The following UBE2G1 variants were observed in gnomAD, a reference collection of about 807,000 sequenced individuals.
UBE2G1 encodes ubiquitin conjugating enzyme E2 G1.
UBE2G1 carries 5 observed loss-of-function variants against 22.7 expected under a neutral mutation model. The observed-to-expected ratio is 0.22, with a 90% CI of 0.12 to 0.46. The LOEUF (loss-of-function observed/expected upper bound fraction) is 0.46, where lower values mean the gene tolerates loss of function less well. UBE2G1 is among the 20% of genes least tolerant of loss of function. The probability of loss-of-function intolerance (pLI) is 0.99; values close to 1 mark genes in which losing one functional copy is unlikely to be tolerated. For synonymous variants in UBE2G1, 74 were observed against 67.5 expected (o/e 1.10, Z -0.47); for missense variants, 88 against 203.9 (o/e 0.43, Z 3.46).
intron 1 of UBE2G1, among the ~76,000 whole-genome samples, chr17:4,362,352 CT>C (rs1969979248): frequency 1.3e-5 from 2 of 152,264 alleles, no homozygotes; most frequent in African/African-American, 4.8e-5. Flanking sequence ...GATTTTGTCC[CT>C]CAGGAGACAT....
At chr17:4,329,553 C>CAA (rs879347804) in intron 1 of UBE2G1, among the ~76,000 whole-genome samples, 10 of 132,930 alleles carry the variant, frequency 7.5e-5, no homozygotes, top group Admixed American at 3.8e-4. Flanking sequence ...GACTCTGTCT[C>CAA]AAAAAAAAAA....
At chr17:4,346,685 C>T (rs1668860103) in intron 1 of UBE2G1, among the ~76,000 whole-genome samples, 1 of 151,302 alleles carries the variant, frequency 6.6e-6, no homozygotes, top group African/African-American at 2.4e-5. Flanking sequence ...CCACCCGCCT[C>T]GGCCTCCCAA....
At chr17:4,302,198 C>A in intron 2 of UBE2G1, 1 of 509,508 alleles carries the variant, frequency 2.0e-6, no homozygotes. Context: ...GATTTTCTTT[C>A]CAGGCAGCAA....
intron 3 of UBE2G1, among the ~76,000 whole-genome samples, chr17:4,295,006 G>A (rs1051751570): frequency 1.9e-4 from 29 of 152,108 alleles, no homozygotes; most frequent in Admixed American, 1.7e-3. Context: ...GAGAGACGGA[G>A]GGAGGGAGGA....
intron 1 of UBE2G1, among the ~76,000 whole-genome samples, chr17:4,352,410 G>A (rs1456335056): frequency 6.6e-6 from 1 of 152,096 alleles, no homozygotes; most frequent in Non-Finnish European, 1.5e-5. Flanking sequence ...TTTGTTAAAT[G>A]ACAAGTTTGA....
At chr17:4,287,318 G>A (rs573062060) in intron 4 of UBE2G1, among the ~76,000 whole-genome samples, 1 of 151,310 alleles carries the variant, frequency 6.6e-6, no homozygotes, top group African/African-American at 2.4e-5. Context: ...TGGCCAGGCT[G>A]GTCTCGAACT....
chr17:4,359,778 G>A (rs775651101), intron 1 of UBE2G1, among the ~76,000 whole-genome samples: 31 of 151,798 alleles, frequency 2.0e-4, no homozygotes, highest in Non-Finnish European at 4.1e-4. Context: ...CTTGAACCCG[G>A]GAGGCAGAGG....
chr17:4,366,198 A>T (rs1970033072), intron 1 of UBE2G1, 73 bp downstream of exon 1: 1 of 1,439,986 alleles, frequency 6.9e-7, no homozygotes, highest in Non-Finnish European at 9.1e-7. Flanking sequence ...CTGGCCCGGG[A>T]GGAGAAGAGG....
chr17:4,278,272 T>C (rs532686194), intron 5 of UBE2G1, among the ~76,000 whole-genome samples: 1 of 152,268 alleles, frequency 6.6e-6, no homozygotes, highest in South Asian at 2.1e-4. Context: ...ATTTAAAAAT[T>C]AGGTGCACAT....
At chr17:4,284,383 G>C (rs1968933480) in intron 4 of UBE2G1, among the ~76,000 whole-genome samples, 1 of 151,958 alleles carries the variant, frequency 6.6e-6, no homozygotes, top group Non-Finnish European at 1.5e-5. Context: ...TGGATCACCT[G>C]AGGTCAAGAG....
At chr17:4,360,786 C>T (rs954528693) in intron 1 of UBE2G1, among the ~76,000 whole-genome samples, 5 of 152,150 alleles carry the variant, frequency 3.3e-5, no homozygotes, top group Non-Finnish European at 7.3e-5. Context: ...TGGCACATGC[C>T]TGTAATCCCA....
intron 5 of UBE2G1, among the ~76,000 whole-genome samples, chr17:4,274,260 C>T (rs1428887255): frequency 1.4e-5 from 2 of 145,790 alleles, no homozygotes; most frequent in African/African-American, 2.6e-5. Flanking sequence ...TGCAGTGGCG[C>T]GATCTCGGCT....
chr17:4,283,006 T>C, intron 4 of UBE2G1, 85 bp from the exon 5 acceptor site: 2 of 1,147,258 alleles, frequency 1.7e-6, no homozygotes, highest in Non-Finnish European at 2.5e-6. Context: ...TTGAATGTAA[T>C]CCCTTGGTGA....
At chr17:4,275,573 A>T (rs951318990) in intron 5 of UBE2G1, among the ~76,000 whole-genome samples, 5 of 152,186 alleles carry the variant, frequency 3.3e-5, no homozygotes, top group African/African-American at 9.7e-5. Flanking sequence ...TTAATTTTCC[A>T]TATGGCTACA....
chr17:4,318,010 T>C (rs1969396937), intron 1 of UBE2G1, among the ~76,000 whole-genome samples: 1 of 152,178 alleles, frequency 6.6e-6, no homozygotes, highest in African/African-American at 2.4e-5. Flanking sequence ...AATGGAAAAT[T>C]TGGGCACAGC....
intron 1 of UBE2G1, among the ~76,000 whole-genome samples, chr17:4,347,721 C>T (rs1969795879): frequency 6.6e-6 from 1 of 152,148 alleles, no homozygotes; most frequent in African/African-American, 2.4e-5. Flanking sequence ...AAGTGATCCA[C>T]CCATCTCAGC....
At chr17:4,317,369 T>A (rs1969387636) in intron 1 of UBE2G1, among the ~76,000 whole-genome samples, 1 of 151,642 alleles carries the variant, frequency 6.6e-6, no homozygotes, top group Non-Finnish European at 1.5e-5. Context: ...AAAAAAAAAT[T>A]AGCCGGACAT....
intron 1 of UBE2G1, among the ~76,000 whole-genome samples, chr17:4,332,728 C>G (rs1969593749): frequency 6.6e-6 from 1 of 152,122 alleles, no homozygotes; most frequent in African/African-American, 2.4e-5. Flanking sequence ...GCTAACCGCT[C>G]TGCCACCTCC....
intron 1 of UBE2G1, 64 bp from the exon 2 acceptor site, chr17:4,307,187 T>C: frequency 7.3e-7 from 1 of 1,365,244 alleles, no homozygotes; most frequent in Non-Finnish European, 1.0e-6. Flanking sequence ...GTAGATAAAT[T>C]ACAGAACTTG....
Sources: allele counts gnomAD v4.1 joint callset (sites outside exome capture counted in the v4.1 genomes callset), GRCh38; gene constraint gnomAD v4.1.1; transcripts MANE v1.5; gene names NCBI Gene and HGNC (gene_info 2026-07-23, HGNC 2026-07-21).